The following TSEN2 variants were observed in gnomAD, a reference collection of about 807,000 sequenced individuals.
TSEN2 encodes the protein tRNA-splicing endonuclease subunit Sen2.
In TSEN2, 54 loss-of-function variants were observed where a neutral mutation model predicts 59.2. The observed-to-expected ratio is 0.91, with a 90% CI of 0.73 to 1.14. TSEN2 has a LOEUF of 1.14. Ranked by LOEUF, TSEN2 falls within the 50% of genes most tolerant of loss-of-function variation. The pLI is 0.00. For missense variants in TSEN2, 636 were observed against 576.2 expected (o/e 1.10, Z -1.06); for synonymous variants, 195 against 198.2 (o/e 0.98, Z 0.14).
upstream of TSEN2, among the ~76,000 whole-genome samples, chr3:12,482,642 G>A (rs951819641): frequency 2.0e-5 from 3 of 151,902 alleles, no homozygotes; most frequent in African/African-American, 7.3e-5. Flanking sequence ...TCCACGAGCT[G>A]GGATGGGATT....
chr3:12,539,197 G>C (rs984600596), exon 11 of TSEN2: 4 of 419,866 alleles, frequency 9.5e-6, no homozygotes, highest in African/African-American at 8.5e-5. Flanking sequence ...CCAATGCTGC[G>C]ATCTTGGATC....
chr3:12,526,592 G>A (rs886390987), intron 8 of TSEN2, among the ~76,000 whole-genome samples: 8 of 152,184 alleles, frequency 5.3e-5, no homozygotes, highest in South Asian at 2.1e-4. Flanking sequence ...ATCTTAGAAC[G>A]TATCCTCATC....
chr3:12,529,617 A>G, intron 9 of TSEN2, 145 bp from the exon 10 acceptor site: 1 of 723,952 alleles, frequency 1.4e-6, no homozygotes, highest in Non-Finnish European at 2.3e-6. Context: ...TTTCATTAAT[A>G]TTTTCTCAAT....
chr3:12,531,320 A>G, intron 10 of TSEN2: 1 of 478,098 alleles, frequency 2.1e-6, no homozygotes, highest in South Asian at 2.4e-5. Context: ...TAGTATTCTT[A>G]ATGCTGTGTT....
chr3:12,509,070 G>A (rs1261250447), intron 6 of TSEN2, among the ~76,000 whole-genome samples: 1 of 152,126 alleles, frequency 6.6e-6, no homozygotes, highest in African/African-American at 2.4e-5. Flanking sequence ...GATCCAGTGA[G>A]AAATAGATTG....
At chr3:12,493,787 TA>T (rs2053473122) in intron 3 of TSEN2, among the ~76,000 whole-genome samples, 1 of 152,196 alleles carries the variant, frequency 6.6e-6, no homozygotes, top group Admixed American at 6.5e-5. Context: ...TAAAATAAAA[TA>T]GTCATCCTAA....
intron 1 of TSEN2, among the ~76,000 whole-genome samples, chr3:12,488,664 G>A (rs1311912251): frequency 3.3e-5 from 5 of 152,126 alleles, no homozygotes; most frequent in Admixed American, 3.3e-4. Context: ...CCAATGTATG[G>A]CCCCAGAGGG....
chr3:12,498,425 G>A (rs936027134), intron 4 of TSEN2, among the ~76,000 whole-genome samples: 1 of 152,142 alleles, frequency 6.6e-6, no homozygotes, highest in African/African-American at 2.4e-5. Context: ...ATACTTTATT[G>A]TGTTATCACC....
At chr3:12,530,720 A>G in intron 10 of TSEN2, 2 of 985,418 alleles carry the variant, frequency 2.0e-6, no homozygotes, top group Non-Finnish European at 2.4e-6. Context: ...TACTGTTTCT[A>G]GAATTTTTAT....
chr3:12,505,394 C>T (rs2054703926), intron 6 of TSEN2, 163 bp downstream of exon 6: 1 of 641,930 alleles, frequency 1.6e-6, no homozygotes, highest in Non-Finnish European at 2.9e-6. Context: ...GCCTGCCTTT[C>T]ACTCCTCAGC....
At chr3:12,481,136 T>A (rs375226869), upstream of TSEN2, among the ~76,000 whole-genome samples, 41 of 152,352 alleles carry the variant, frequency 2.7e-4, 1 homozygote, top group Admixed American at 9.2e-4. Context: ...TCAGATAAAC[T>A]TTTTTCTTAA....
At chr3:12,511,495 C>T (rs1680960826) in intron 6 of TSEN2, among the ~76,000 whole-genome samples, 1 of 150,596 alleles carries the variant, frequency 6.6e-6, no homozygotes. Flanking sequence ...CATCTCCTAA[C>T]ATAAACCAAA....
At chr3:12,523,526 C>CTTTTTTTTTTTTTTTTTGTT (rs2056827302) in intron 8 of TSEN2, among the ~76,000 whole-genome samples, 1 of 46,480 alleles carries the variant, frequency 2.2e-5, no homozygotes, top group African/African-American at 7.9e-5. Flanking sequence ...CTCTTTGATT[C>CTTTTTTTTTTTTTTTTTGTT]TTTTTTTTTT....
At chr3:12,536,767 G>A (rs914309781), downstream of TSEN2, among the ~76,000 whole-genome samples, 12 of 151,848 alleles carry the variant, frequency 7.9e-5, no homozygotes, top group African/African-American at 2.4e-4. Flanking sequence ...TTGGGAGGCC[G>A]AGACGGGTGG....
intron 4 of TSEN2, among the ~76,000 whole-genome samples, chr3:12,499,115 C>T (rs1450749929): frequency 6.6e-6 from 1 of 152,066 alleles, no homozygotes; most frequent in Non-Finnish European, 1.5e-5. Flanking sequence ...CAAGTCGATT[C>T]ACTCAAATTG....
chr3:12,527,488 C>T (rs548049772), intron 8 of TSEN2, among the ~76,000 whole-genome samples: 1 of 139,952 alleles, frequency 7.1e-6, no homozygotes, highest in Admixed American at 7.8e-5. Flanking sequence ...GAGTCTCGCT[C>T]TGTCGCCCAG....
rs2053781771 is a variant in TSEN2 at position 12,496,682 on chromosome 3, C to T, written c.308+128C>T. On this transcript the variant is annotated intron_variant, in intron 4 of 11. Transcript: ENST00000284995. Reference sequence around the variant, plus strand: ...TTTCTGTTTTTGGTAGTAGATGTATCCTTGAAAATTATGTTGGAATTTAAT... The same window carrying T: ...TTTCTGTTTTTGGTAGTAGATGTATTCTTGAAAATTATGTTGGAATTTAAT... 3 of 893,402 alleles carry T rather than the reference C, an allele frequency of 3.4e-6. No individual in the cohort carries two copies. The East Asian group carries it at 7.4e-5, about 22-fold the overall frequency. 55.3% of individuals were successfully genotyped at this position (893,402 alleles called of 1,614,324 possible). A position where few individuals can be genotyped will look rare whatever the true frequency, so the allele number is the denominator to read the frequency against.
intron 6 of TSEN2, among the ~76,000 whole-genome samples, chr3:12,512,373 T>G (rs1273032571): frequency 6.6e-6 from 1 of 152,222 alleles, no homozygotes; most frequent in Non-Finnish European, 1.5e-5. Context: ...TCTTGGAAAT[T>G]GTGCTTTATT....
chr3:12,519,703 G>A (rs1360660339), intron 8 of TSEN2, among the ~76,000 whole-genome samples: 10 of 151,950 alleles, frequency 6.6e-5, no homozygotes, highest in African/African-American at 2.2e-4. Context: ...CCGAGATCGC[G>A]CCATTGCACC....
Sources: allele counts gnomAD v4.1 joint callset (sites outside exome capture counted in the v4.1 genomes callset), GRCh38; gene constraint gnomAD v4.1.1; transcripts MANE v1.5; gene names NCBI Gene and HGNC (gene_info 2026-07-23, HGNC 2026-07-21).